Variants in CDC123 observed in about 807,000 individuals in gnomAD.
The protein encoded by CDC123 is translation initiation factor eIF2 assembly protein.
In CDC123, 37 loss-of-function variants were observed where a neutral mutation model predicts 54.4. That is an observed-to-expected ratio of 0.68 (90% CI 0.52 to 0.89). The LOEUF (loss-of-function observed/expected upper bound fraction) is 0.89. Among genes scored for constraint, CDC123 ranks in the 40% least tolerant of loss-of-function variants. The pLI, the probability that CDC123 is intolerant of heterozygous loss-of-function variation, is 0.00. For missense variants in CDC123, 361 were observed against 412.1 expected, an observed-to-expected ratio of 0.88 and a Z score of 1.07; for synonymous variants, 144 against 136.8, an observed-to-expected ratio of 1.05 and a Z score of -0.37.
chr10:12,227,225 C>T (rs545430880), intron 6 of CDC123, among the ~76,000 whole-genome samples: 8 of 134,158 alleles, frequency 6.0e-5, no homozygotes, highest in African/African-American at 1.1e-4. Context: ...AGCCTCTGCT[C>T]GGCATCAGAG....
intron 2 of CDC123, among the ~76,000 whole-genome samples, chr10:12,205,084 C>G (rs1835500556): frequency 6.6e-6 from 1 of 151,432 alleles, no homozygotes; most frequent in South Asian, 2.1e-4. Flanking sequence ...CCCTACTACC[C>G]TTCACAGCCT....
chr10:12,217,368 AT>A lies in CDC123; in HGVS notation c.343del (p.Trp115GlyfsTer2), dbSNP rs763736676. 1 of 1,612,884 alleles carries A rather than the reference AT, an allele frequency of 6.2e-7. No homozygotes were observed. Among genetic ancestry groups the A allele is most frequent in the Non-Finnish European group, 8.5e-7 (1 of 1,179,324 alleles). On this transcript the variant is annotated frameshift_variant, in exon 6 of 13. Transcript: ENST00000281141. LOFTEE classifies it high-confidence loss of function. The stretch of plus-strand genomic sequence containing the variant: ...ATGTGCTTCATTCTTTAGGATGCGT[AT>A]TGGATAGCAATGAATAGTTCTCTGA... ...KLNWSAPRDA[Y>X]WIAMNSSLKC...
intron 11 of CDC123, 152 bp downstream of exon 11, chr10:12,246,429 T>C: frequency 3.8e-6 from 3 of 791,342 alleles, no homozygotes; most frequent in East Asian, 2.7e-5. Flanking sequence ...CTGCCCATGG[T>C]GGTGGTCAAA....
chr10:12,215,604 T>G, intron 4 of CDC123, 136 bp from the exon 5 acceptor site: 1 of 448,868 alleles, frequency 2.2e-6, no homozygotes, highest in Admixed American at 4.3e-5. Context: ...TTAGCTGGGT[T>G]CAGAAATTCT....
chr10:12,202,946 T>C (rs1015638824), intron 2 of CDC123, among the ~76,000 whole-genome samples: 15 of 152,194 alleles, frequency 9.9e-5, no homozygotes, highest in African/African-American at 3.4e-4. Flanking sequence ...ACCTGGGAAG[T>C]GGAGGTTGCA....
chr10:12,210,861 C>T (rs1005343541), intron 4 of CDC123, among the ~76,000 whole-genome samples: 36 of 152,108 alleles, frequency 2.4e-4, no homozygotes, highest in African/African-American at 7.7e-4. Flanking sequence ...ACACCATGCC[C>T]GGCTAATTTT....
In CDC123 at chr10:12,210,271, T is replaced by C. The variant is rs766935539; in HGVS notation, c.205-19T>C. 2.5e-6 allele frequency: 4 copies of C among 1,613,804 alleles called. No homozygotes were observed. In the South Asian group the frequency reaches 4.4e-5, roughly 18 times the overall value. Reference sequence around the variant, plus strand: ...GTATTTAAATTTAATGTTTTATTTTTTTCCTCTTTTTCATGCAGTGGTCTG... The same window carrying C: ...GTATTTAAATTTAATGTTTTATTTTCTTCCTCTTTTTCATGCAGTGGTCTG... On this transcript the variant is annotated intron_variant, in intron 3 of 12. Coordinates refer to ENST00000281141, the MANE Select transcript of CDC123 (RefSeq NM_006023.3).
chr10:12,228,475 G>A (rs1330103216), intron 6 of CDC123, among the ~76,000 whole-genome samples: 2 of 150,818 alleles, frequency 1.3e-5, no homozygotes, highest in African/African-American at 4.9e-5. Flanking sequence ...GCGCAATCTC[G>A]GCTCACTGCA....
chr10:12,245,149 T>C (rs906157564), intron 10 of CDC123: 8 of 152,320 alleles, frequency 5.3e-5, no homozygotes, highest in African/African-American at 1.7e-4. Context: ...CCTGGCTCCG[T>C]CCGGCTCCCC....
intron 10 of CDC123, among the ~76,000 whole-genome samples, chr10:12,239,906 G>A (rs1836033791): frequency 6.6e-6 from 1 of 151,210 alleles, no homozygotes; most frequent in South Asian, 2.1e-4. Context: ...TACTCTGGAG[G>A]CTGAGGCGGG....
chr10:12,206,724 C>T (rs1835524001), intron 2 of CDC123, among the ~76,000 whole-genome samples: 1 of 152,008 alleles, frequency 6.6e-6, no homozygotes, highest in Non-Finnish European at 1.5e-5. Context: ...TTTAGGAGGC[C>T]AAGGAGGGCG....
intron 10 of CDC123, among the ~76,000 whole-genome samples, chr10:12,241,866 G>T (rs1836062549): frequency 6.6e-6 from 1 of 152,164 alleles, no homozygotes; most frequent in Non-Finnish European, 1.5e-5. Context: ...TCTGGAGTTT[G>T]TGTCTGAGTT....
At chr10:12,212,589 C>G (rs1167553046) in intron 4 of CDC123, among the ~76,000 whole-genome samples, 1 of 152,184 alleles carries the variant, frequency 6.6e-6, no homozygotes, top group Non-Finnish European at 1.5e-5. Flanking sequence ...CCTTCTGCTT[C>G]AGCTTCCTGA....
intron 1 of CDC123, 104 bp downstream of exon 1, chr10:12,196,423 A>G (rs1457340355): frequency 6.9e-7 from 1 of 1,453,930 alleles, no homozygotes; most frequent in Non-Finnish European, 9.6e-7. Flanking sequence ...TAGCGACTGC[A>G]TGGGAGGGAG....
intron 6 of CDC123, among the ~76,000 whole-genome samples, chr10:12,225,418 G>C (rs1194744092): frequency 1.3e-5 from 2 of 152,038 alleles, no homozygotes. Flanking sequence ...ATGAATAAAA[G>C]AAAAGAAAAT....
chr10:12,232,195 T>A (rs1382919300), intron 7 of CDC123, among the ~76,000 whole-genome samples: 1 of 152,116 alleles, frequency 6.6e-6, no homozygotes, highest in African/African-American at 2.4e-5. Context: ...CTGGTCCTTC[T>A]TCCACTTGCA....
At chr10:12,229,480 G>A (rs1440370853) in intron 6 of CDC123, among the ~76,000 whole-genome samples, 1 of 152,176 alleles carries the variant, frequency 6.6e-6, no homozygotes, top group Non-Finnish European at 1.5e-5. Context: ...TGAATGCTCT[G>A]TGAGATCTCT....
At chr10:12,226,699 G>A (rs1484081284) in intron 6 of CDC123, among the ~76,000 whole-genome samples, 1 of 151,824 alleles carries the variant, frequency 6.6e-6, no homozygotes, top group Admixed American at 6.6e-5. Context: ...CAGACGATGG[G>A]TGGCTGGGCA....
intron 2 of CDC123, among the ~76,000 whole-genome samples, chr10:12,204,713 C>T (rs911083697): frequency 1.3e-5 from 2 of 152,072 alleles, no homozygotes; most frequent in African/African-American, 2.4e-5. Context: ...GGTCTGTGGT[C>T]GGGTGCTGTG....
Sources: gnomAD v4.1 joint callset for allele counts (sites outside exome capture counted in the v4.1 genomes callset) on GRCh38, gnomAD v4.1.1 for gene constraint, MANE v1.5 for transcripts, NCBI Gene and HGNC (gene_info 2026-07-23, HGNC 2026-07-21) for gene names.